The following AGBL4 variants were observed in gnomAD, a reference collection of about 807,000 sequenced individuals.
AGBL4 encodes cytosolic carboxypeptidase 6.
In AGBL4, 58 loss-of-function variants were observed where a neutral mutation model predicts 66.4. The ratio of observed to expected loss-of-function variants is 0.87; its 90% CI spans 0.71 to 1.09. The LOEUF is 1.09. Among genes scored for constraint, AGBL4 ranks in the 50% least tolerant of loss-of-function variants. AGBL4 has a pLI of 0.00. For missense variants in AGBL4, 579 were observed against 631.0 expected, an observed-to-expected ratio of 0.92 and a Z score of 0.88; for synonymous variants, 234 against 222.9, an observed-to-expected ratio of 1.05 and a Z score of -0.44.
At chr1:49,477,523 G>T (rs1646870906) in intron 3 of AGBL4, among the ~76,000 whole-genome samples, 1 of 152,098 alleles carries the variant, frequency 6.6e-6, no homozygotes, top group Admixed American at 6.5e-5. Flanking sequence ...GGCTTGGGGT[G>T]CCCCCTAATG....
At chr1:49,539,496 C>T (rs1651845903) in intron 3 of AGBL4, among the ~76,000 whole-genome samples, 1 of 152,112 alleles carries the variant, frequency 6.6e-6, no homozygotes, top group African/African-American at 2.4e-5. Context: ...TGTTAATGTC[C>T]TTCTGTTTTG....
intron 11 of AGBL4, among the ~76,000 whole-genome samples, chr1:48,578,959 A>G (rs892941560): frequency 6.6e-5 from 10 of 152,036 alleles, no homozygotes; most frequent in Admixed American, 6.6e-4. Context: ...GACTGTGTAC[A>G]CCAAGAAAAT....
At chr1:49,141,855 C>T (rs1321428906) in intron 4 of AGBL4, among the ~76,000 whole-genome samples, 1 of 152,098 alleles carries the variant, frequency 6.6e-6, no homozygotes, top group Non-Finnish European at 1.5e-5. Flanking sequence ...GGCTATAGAA[C>T]ACTACAAAGA....
chr1:49,630,665 C>A (rs1381563048), intron 3 of AGBL4, among the ~76,000 whole-genome samples: 2 of 152,164 alleles, frequency 1.3e-5, no homozygotes, highest in African/African-American at 4.8e-5. Context: ...TGGCTCCTGG[C>A]AGATAGGCTA....
chr1:49,935,580 A>AC (rs934856506), intron 1 of AGBL4, among the ~76,000 whole-genome samples: 10 of 151,746 alleles, frequency 6.6e-5, no homozygotes, highest in African/African-American at 1.9e-4. Context: ...ACTGGGAGGC[A>AC]CCCCCCCAGT....
intron 3 of AGBL4, among the ~76,000 whole-genome samples, chr1:49,430,375 G>T (rs1645759898): frequency 6.6e-6 from 1 of 152,144 alleles, no homozygotes; most frequent in Non-Finnish European, 1.5e-5. Flanking sequence ...TCTGCATGTT[G>T]TACTGTATTA....
chr1:49,468,639 A>G (rs909788618), intron 3 of AGBL4, among the ~76,000 whole-genome samples: 5 of 151,618 alleles, frequency 3.3e-5, no homozygotes, highest in Admixed American at 2.0e-4. Flanking sequence ...TTTCTTCACT[A>G]TTTTCAAATT....
chr1:48,838,294 A>G (rs2148793275), intron 6 of AGBL4, among the ~76,000 whole-genome samples: 1 of 152,276 alleles, frequency 6.6e-6, no homozygotes, highest in Non-Finnish European at 1.5e-5. Flanking sequence ...AAAGTATACT[A>G]TAAAGCTGTA....
chr1:49,304,936 T>C (rs1644823046), intron 3 of AGBL4, among the ~76,000 whole-genome samples: 1 of 152,176 alleles, frequency 6.6e-6, no homozygotes, highest in Admixed American at 6.6e-5. Flanking sequence ...AAATAAACTA[T>C]TTATGCTATC....
chr1:49,850,444 A>C (rs1646275718), intron 2 of AGBL4, among the ~76,000 whole-genome samples: 1 of 152,280 alleles, frequency 6.6e-6, no homozygotes, highest in African/African-American at 2.4e-5. Flanking sequence ...TAATCCACTC[A>C]GTTTGTGGTA....
chr1:49,719,207 T>A (rs1044782643), intron 2 of AGBL4, among the ~76,000 whole-genome samples: 3 of 152,186 alleles, frequency 2.0e-5, no homozygotes, highest in African/African-American at 4.8e-5. Flanking sequence ...AATCTTACTA[T>A]GCTAGAAAAT....
At chr1:48,538,659 T>C (rs1031201178) in intron 12 of AGBL4, among the ~76,000 whole-genome samples, 1 of 152,200 alleles carries the variant, frequency 6.6e-6, no homozygotes. Context: ...ATTTGTAAGA[T>C]GGGAAATACA....
intron 1 of AGBL4, among the ~76,000 whole-genome samples, chr1:49,862,016 C>T (rs1178158573): frequency 3.3e-5 from 5 of 152,132 alleles, no homozygotes; most frequent in Admixed American, 6.6e-5. Flanking sequence ...AAACCACCCA[C>T]AAAAACATGG....
At chr1:49,514,555 C>A (rs1015086740) in intron 3 of AGBL4, among the ~76,000 whole-genome samples, 8 of 151,798 alleles carry the variant, frequency 5.3e-5, no homozygotes, top group African/African-American at 1.9e-4. Context: ...TCATATGGAA[C>A]CAAAAAAGAG....
At chr1:48,837,711 C>CTATATATATATATATATATATATATA (rs58650623) in intron 6 of AGBL4, among the ~76,000 whole-genome samples, 14 of 82,284 alleles carry the variant, frequency 1.7e-4, no homozygotes, top group African/African-American at 4.0e-4. Context: ...CACACACACA[C>CTATATATATATATATATATATATATA]TATATATATA....
intron 3 of AGBL4, among the ~76,000 whole-genome samples, chr1:49,284,076 C>G (rs922690037): frequency 6.6e-6 from 1 of 151,222 alleles, no homozygotes; most frequent in Non-Finnish European, 1.5e-5. Flanking sequence ...GTCAGATTCA[C>G]CAAAGTTGAA....
intron 3 of AGBL4, among the ~76,000 whole-genome samples, chr1:49,364,784 C>T (rs1046782994): frequency 1.3e-5 from 2 of 152,092 alleles, no homozygotes; most frequent in Non-Finnish European, 2.9e-5. Flanking sequence ...GGCCCATGTG[C>T]GTACTTTTAC....
At chr1:49,444,108 T>A (rs1359486610) in intron 3 of AGBL4, among the ~76,000 whole-genome samples, 1 of 152,076 alleles carries the variant, frequency 6.6e-6, no homozygotes, top group Non-Finnish European at 1.5e-5. Context: ...TTTATTCCAT[T>A]GTTGTCTGAG....
intron 4 of AGBL4, among the ~76,000 whole-genome samples, chr1:49,189,740 T>G (rs943609869): frequency 6.6e-6 from 1 of 152,166 alleles, no homozygotes; most frequent in African/African-American, 2.4e-5. Flanking sequence ...CTGATAATGC[T>G]TTGCTTGCTG....
Sources: gnomAD v4.1 joint callset for allele counts (sites outside exome capture counted in the v4.1 genomes callset) on GRCh38, gnomAD v4.1.1 for gene constraint, MANE v1.5 for transcripts, NCBI Gene and HGNC (gene_info 2026-07-23, HGNC 2026-07-21) for gene names.